Variants in NFIC observed in about 807,000 individuals in gnomAD.
NFIC encodes nuclear factor I C.
A neutral mutation model predicts 54.4 loss-of-function variants in NFIC; 12 were observed. The ratio of observed to expected loss-of-function variants is 0.22; its 90% CI spans 0.14 to 0.36. The LOEUF is 0.36. Among genes scored for constraint, NFIC ranks in the 10% least tolerant of loss-of-function variants. The pLI, the probability that NFIC is intolerant of heterozygous loss-of-function variation, is 1.00. For synonymous variants in NFIC, 322 were observed against 319.2 expected, an observed-to-expected ratio of 1.01 and a Z score of -0.09; for missense variants, 575 against 718.2, an observed-to-expected ratio of 0.80 and a Z score of 2.28.
intron 6 of NFIC, among the ~76,000 whole-genome samples, chr19:3,445,104 TAC>T (rs909470276): frequency 2.2e-4 from 33 of 151,614 alleles, no homozygotes; most frequent in Admixed American, 3.3e-4. Flanking sequence ...CTCACATGCG[TAC>T]ACACACATGC....
At chr19:3,389,229 T>G (rs1225393788) in intron 2 of NFIC, among the ~76,000 whole-genome samples, 1 of 152,142 alleles carries the variant, frequency 6.6e-6, no homozygotes, top group Non-Finnish European at 1.5e-5. Context: ...AAGCTCACCC[T>G]GAGCTTGATG....
chr19:3,373,626 C>A (rs552633737), intron 1 of NFIC, among the ~76,000 whole-genome samples: 27 of 124,724 alleles, frequency 2.2e-4, no homozygotes, highest in Middle Eastern at 4.1e-3. Flanking sequence ...GACCCCCCCC[C>A]CAAGCTAAAA....
chr19:3,440,191 T>C (rs369784381), intron 6 of NFIC, among the ~76,000 whole-genome samples: 71 of 152,238 alleles, frequency 4.7e-4, no homozygotes, highest in African/African-American at 1.7e-3. Flanking sequence ...CTGTGGATGT[T>C]TGGGGCCAGA....
rs969996542 is a variant in NFIC at position 3,461,981 on chromosome 19, G to A, written c.1510-771G>A. Among the ~76,000 whole-genome samples the A allele has an allele frequency of 2.6e-5, 4 of 151,904 alleles. No homozygotes were observed. The South Asian group carries it at 8.3e-4, about 32-fold the overall frequency. ...AGGCAGGAGAATCACTTGAACCTGG[G>A]AGGCAGAGGTTGCAATGAGCCGAGA... On this transcript the variant is annotated intron_variant, in intron 10 of 10. Transcript: ENST00000443272.
intron 2 of NFIC, among the ~76,000 whole-genome samples, chr19:3,394,774 G>A (rs1021770478): frequency 6.6e-6 from 1 of 151,840 alleles, no homozygotes; most frequent in Non-Finnish European, 1.5e-5. Context: ...ATCAGCGGGC[G>A]GCTCTGGGTG....
At chr19:3,396,249 A>G (rs866986148) in intron 2 of NFIC, among the ~76,000 whole-genome samples, 2 of 151,974 alleles carry the variant, frequency 1.3e-5, no homozygotes, top group Non-Finnish European at 1.5e-5. Context: ...AGGTATGCGG[A>G]TCACGAGGTG....
intron 2 of NFIC, among the ~76,000 whole-genome samples, chr19:3,395,103 C>T (rs573028819): frequency 6.6e-6 from 1 of 152,008 alleles, no homozygotes; most frequent in Admixed American, 6.6e-5. Context: ...TCACACCTGT[C>T]ATCCCAGCAC....
In NFIC at chr19:3,435,098, A is replaced by T; in HGVS notation, c.849A>T (p.Lys283Asn). 1 of 1,602,770 alleles carries T rather than the reference A, an allele frequency of 6.2e-7. No homozygotes were observed. ...CGCCCATAAGGAGCAAGCGGCACAA[A>T]TCGGGCTCGATGGAGGAAGACGTGG... ...STSSSGSKRH[K>N]SGSMEEDVDT... The change falls in exon 6 of 11, where the codon AAA becomes AAT. Residue 283 changes from lysine to asparagine, a missense_variant. Physicochemically the swap from Lys to Asn is moderately conservative, Grantham distance 94. Around this residue, in one of 3 missense-constraint regions of NFIC, gnomAD observed 447 missense variants for 526.9 expected, o/e 0.85. Coordinates refer to ENST00000443272, the MANE Select transcript of NFIC (RefSeq NM_001245002.2).
At chr19:3,363,007 G>C (rs2080829381), upstream of NFIC, among the ~76,000 whole-genome samples, 2 of 151,816 alleles carry the variant, frequency 1.3e-5, no homozygotes. Flanking sequence ...CATATGAAGA[G>C]GATACAACTG....
At chr19:3,409,585 A>G (rs2081716999) in intron 2 of NFIC, among the ~76,000 whole-genome samples, 1 of 150,662 alleles carries the variant, frequency 6.6e-6, no homozygotes, top group Admixed American at 6.6e-5. Flanking sequence ...CCTCCCAGTC[A>G]CCAACGGCGG....
At chr19:3,382,934 G>C (rs1489009965) in intron 2 of NFIC, among the ~76,000 whole-genome samples, 1 of 151,808 alleles carries the variant, frequency 6.6e-6, no homozygotes, top group Non-Finnish European at 1.5e-5. Flanking sequence ...ATGGTACAAG[G>C]AGGTTTTTTT....
At chr19:3,429,056 G>A (rs1056437799) in intron 3 of NFIC, among the ~76,000 whole-genome samples, 35 of 151,446 alleles carry the variant, frequency 2.3e-4, no homozygotes, top group Non-Finnish European at 4.4e-4. Flanking sequence ...AGGCTGAAGC[G>A]GGAGGATCGC....
Position 3,434,271 on chromosome 19 carries a change from C to A in NFIC, c.710-6C>A. On this transcript the variant is annotated splice_polypyrimidine_tract_variant and splice_region_variant and intron_variant, in intron 4 of 10. Transcript: ENST00000443272. ...CTGCCTCACTCTCCTCTGTCACCCT[C>A]TGCAGCACCCGTGGTGACTGGAACA... The A allele has an allele frequency of 6.2e-7, 1 of 1,607,466 alleles. No homozygotes were observed. Among genetic ancestry groups the A allele is most frequent in the Non-Finnish European group, 8.5e-7 (1 of 1,178,156 alleles).
chr19:3,379,110 A>T (rs1368141220), intron 1 of NFIC, among the ~76,000 whole-genome samples: 1 of 152,070 alleles, frequency 6.6e-6, no homozygotes, highest in East Asian at 1.9e-4. Flanking sequence ...CCCAGGCTGG[A>T]GTACAGTGGA....
rs954239415 is a variant in NFIC at position 3,468,631 on chromosome 19, G to GT, written c.*5872dup. On this transcript the variant is annotated 3_prime_UTR_variant, in exon 11 of 11. Coordinates refer to ENST00000443272, the MANE Select transcript of NFIC (RefSeq NM_001245002.2). ...GACAAAACAAAACATTTTCCTTTGGGTTTTTTTTTTCTTTCTTTTTTCTCC... is the reference window on the plus strand; with the variant it reads ...GACAAAACAAAACATTTTCCTTTGGGTTTTTTTTTTTCTTTCTTTTTTCTCC... 23 of 150,092 alleles carry GT rather than the reference G, an allele frequency of 1.5e-4. No individual in the cohort carries two copies. The highest frequency in any genetic ancestry group is 6.4e-4 in the South Asian group (3 of 4,724). The allele number at this position is 150,092 out of a possible 1,614,324, so 9.3% of individuals were successfully genotyped here.
chr19:3,414,592 CTAAAATAAAATAAAA>C (rs150304662), intron 2 of NFIC, among the ~76,000 whole-genome samples: 74,443 of 131,454 alleles, frequency 0.57, 24,726 homozygotes, highest in Non-Finnish European at 0.72. Flanking sequence ...GAGACTGCAT[CTAAAATAAAATAAAA>C]TAAAATAAAA....
At chr19:3,360,169 G>C (rs1468841431) in intron 1 of NFIC, among the ~76,000 whole-genome samples, 1 of 145,912 alleles carries the variant, frequency 6.9e-6, no homozygotes, top group African/African-American at 2.5e-5. Context: ...CCGGGCGAGC[G>C]CGGCGCGCCA....
intron 4 of NFIC, among the ~76,000 whole-genome samples, chr19:3,433,917 T>G (rs2145629564): frequency 6.6e-6 from 1 of 152,184 alleles, no homozygotes; most frequent in South Asian, 2.1e-4. Context: ...CCCCTTGCTT[T>G]CTCTGCTGAC....
chr19:3,438,048 C>T (rs958817588), intron 6 of NFIC, among the ~76,000 whole-genome samples: 3 of 151,960 alleles, frequency 2.0e-5, no homozygotes, highest in Non-Finnish European at 2.9e-5. Flanking sequence ...GTAAACTGCA[C>T]GCTAATTAAA....
Sources: allele counts gnomAD v4.1 joint callset (sites outside exome capture counted in the v4.1 genomes callset), GRCh38; gene constraint gnomAD v4.1.1; regional missense constraint gnomAD v4.1.1; transcripts MANE v1.5; gene names NCBI Gene and HGNC (gene_info 2026-07-23, HGNC 2026-07-21).